TMBIM4: variants seen among roughly 807,000 people sequenced by gnomAD.
The protein encoded by TMBIM4 is protein lifeguard 4.
A neutral mutation model predicts 27.7 loss-of-function variants in TMBIM4; 28 were observed. The ratio of observed to expected loss-of-function variants is 1.01; its 90% confidence interval spans 0.75 to 1.38. The LOEUF (loss-of-function observed/expected upper bound fraction) is 1.38, where lower values mean the gene tolerates loss of function less well. TMBIM4 is among the 40% of genes most tolerant of loss of function. The pLI, the probability that TMBIM4 is intolerant of heterozygous loss-of-function variation, is 0.00. For synonymous variants in TMBIM4, 115 were observed against 113.1 expected (o/e 1.02, Z -0.11); for missense variants, 265 against 277.5 (o/e 0.95, Z 0.32).
intron 2 of TMBIM4, 86 bp downstream of exon 2, chr12:66,153,254 T>G: frequency 1.2e-6 from 1 of 801,118 alleles, no homozygotes; most frequent in Non-Finnish European, 2.0e-6. Context: ...CAAAAGTTAA[T>G]AGAAAAAAGT....
chr12:66,142,130 CAG>C (rs1268748951), intron 5 of TMBIM4, among the ~76,000 whole-genome samples: 1 of 151,854 alleles, frequency 6.6e-6, no homozygotes, highest in Non-Finnish European at 1.5e-5. Flanking sequence ...CTCACAGTAA[CAG>C]AGTTATTTAT....
intron 5 of TMBIM4, 69 bp downstream of exon 5, chr12:66,145,772 C>A: frequency 1.1e-6 from 1 of 910,448 alleles, no homozygotes; most frequent in South Asian, 1.5e-5. Context: ...CAGTGTAGCA[C>A]ATTCCTCAAA....
chr12:66,169,952 G>A lies in TMBIM4; in HGVS notation c.-1C>T. ...GGTACCGGGGGTCGGGGTCAGCCATGATGGCAACAGCACCCCTACCGGTCC... is the reference window on the plus strand; with the variant it reads ...GGTACCGGGGGTCGGGGTCAGCCATAATGGCAACAGCACCCCTACCGGTCC... On this transcript the variant is annotated 5_prime_UTR_variant, in exon 1 of 7. Coordinates refer to ENST00000358230, the MANE Select transcript of TMBIM4 (RefSeq NM_016056.4). 2 of 1,489,632 alleles carry A rather than the reference G, an allele frequency of 1.3e-6. No individual in the cohort carries two copies. The highest frequency in any genetic ancestry group is 2.9e-5 in the East Asian group (1 of 34,280). The allele number at this position is 1,489,632 out of a possible 1,614,324, so 92.3% of individuals were successfully genotyped here.
intron 3 of TMBIM4, among the ~76,000 whole-genome samples, chr12:66,151,060 C>G (rs1443799508): frequency 6.6e-6 from 1 of 152,180 alleles, no homozygotes; most frequent in Non-Finnish European, 1.5e-5. Context: ...AATTGACAAT[C>G]TTGCAAACAA....
intron 1 of TMBIM4, among the ~76,000 whole-genome samples, chr12:66,163,266 C>T (rs1327606734): frequency 6.6e-6 from 1 of 152,130 alleles, no homozygotes; most frequent in East Asian, 1.9e-4. Flanking sequence ...AGTTCTCATG[C>T]ACTCCTATTT....
At chr12:66,169,157 G>A (rs1043085195) in intron 1 of TMBIM4, 3 of 648,180 alleles carry the variant, frequency 4.6e-6, no homozygotes, top group South Asian at 3.5e-5. Flanking sequence ...GAAAGTCTGG[G>A]GCTGTTTCGG....
intron 1 of TMBIM4, among the ~76,000 whole-genome samples, chr12:66,158,038 A>C (rs2051966464): frequency 6.6e-6 from 1 of 151,786 alleles, no homozygotes. Context: ...CATCCTCGCT[A>C]ACACGGTGAA....
intron 4 of TMBIM4, among the ~76,000 whole-genome samples, chr12:66,147,065 T>G (rs1472492527): frequency 6.6e-6 from 1 of 152,100 alleles, no homozygotes; most frequent in Non-Finnish European, 1.5e-5. Context: ...TAAGTAACAT[T>G]AATAATAAGT....
chr12:66,151,540 A>G (rs1046126911), intron 3 of TMBIM4, among the ~76,000 whole-genome samples: 1 of 152,210 alleles, frequency 6.6e-6, no homozygotes, highest in Non-Finnish European at 1.5e-5. Context: ...CACCCACCCA[A>G]GTATTCTTAA....
At chr12:66,140,256 A>G (rs945590314) in intron 5 of TMBIM4, among the ~76,000 whole-genome samples, 2 of 152,222 alleles carry the variant, frequency 1.3e-5, no homozygotes, top group Admixed American at 6.5e-5. Flanking sequence ...AAGATCGAGG[A>G]AAGAATGATC....
intron 5 of TMBIM4, among the ~76,000 whole-genome samples, chr12:66,140,323 G>A (rs1207585646): frequency 6.6e-6 from 1 of 151,910 alleles, no homozygotes; most frequent in Admixed American, 6.6e-5. Flanking sequence ...AAATTGAACT[G>A]AACTTTAATT....
chr12:66,136,304 CTCT>C lies in TMBIM4; in HGVS notation c.*1653_*1655del, dbSNP rs1331091701. 1.3e-5 allele frequency: 2 copies of C among 152,300 alleles called. No individual in the cohort carries two copies. Among genetic ancestry groups the C allele is most frequent in the African/African-American group, 2.4e-5 (1 of 41,448 alleles). 9.4% of individuals were successfully genotyped at this position (152,300 alleles called of 1,614,324 possible). Reference sequence around the variant, plus strand: ...GACTGCAATGATTCTAATCTAGATGCTCTTACCCACCATGCTGTTAAACTTGAT... The same window carrying C: ...GACTGCAATGATTCTAATCTAGATGCTACCCACCATGCTGTTAAACTTGAT... On this transcript the variant is annotated 3_prime_UTR_variant, in exon 7 of 7. Transcript: ENST00000358230.
At chr12:66,153,278 A>T in intron 2 of TMBIM4, 62 bp downstream of exon 2, 1 of 982,562 alleles carries the variant, frequency 1.0e-6, no homozygotes, top group East Asian at 2.6e-5. Context: ...TTTTGTTTAT[A>T]ATATGCCTTT....
At chr12:66,138,654 G>C in intron 6 of TMBIM4, 70 bp downstream of exon 6, 1 of 1,177,120 alleles carries the variant, frequency 8.5e-7, no homozygotes, top group Non-Finnish European at 1.2e-6. Context: ...ATCTCTTATA[G>C]CTTTTTGAGG....
At chr12:66,139,809 C>CA in intron 5 of TMBIM4, 1 of 455,202 alleles carries the variant, frequency 2.2e-6, no homozygotes, top group Non-Finnish European at 4.4e-6. Flanking sequence ...GCAGGCAGAA[C>CA]AATCCTCAGA....
At chr12:66,138,193 G>C in intron 6 of TMBIM4, 27 bp from the exon 7 acceptor site, 3 of 1,593,382 alleles carry the variant, frequency 1.9e-6, no homozygotes, top group Non-Finnish European at 2.6e-6. Context: ...AAAGAAATAT[G>C]TTTATATTTG....
chr12:66,162,573 GC>G, intron 1 of TMBIM4, among the ~76,000 whole-genome samples: 1 of 152,206 alleles, frequency 6.6e-6, no homozygotes. Flanking sequence ...GTTTTACCTA[GC>G]AGCTGCTGAA....
intron 1 of TMBIM4, among the ~76,000 whole-genome samples, chr12:66,157,213 T>C (rs1468488997): frequency 6.6e-6 from 1 of 152,152 alleles, no homozygotes; most frequent in Admixed American, 6.5e-5. Flanking sequence ...GAATGCATAC[T>C]CAGGGAAGGC....
intron 1 of TMBIM4, among the ~76,000 whole-genome samples, chr12:66,162,523 C>T (rs1005667695): frequency 2.6e-5 from 4 of 152,100 alleles, no homozygotes; most frequent in Admixed American, 6.5e-5. Flanking sequence ...AAATCACAGT[C>T]GAGGGGCCGG....
Sources: gnomAD v4.1 joint callset for allele counts (sites outside exome capture counted in the v4.1 genomes callset) on GRCh38, gnomAD v4.1.1 for gene constraint, MANE v1.5 for transcripts, NCBI Gene and HGNC (gene_info 2026-07-23, HGNC 2026-07-21) for gene names.